Variants in CFI observed in about 807,000 individuals in gnomAD.
CFI encodes the protein C3B/C4B inactivator.
Under a neutral mutation model 78.8 loss-of-function variants are expected in CFI, and 66 were observed. The ratio of observed to expected loss-of-function variants is 0.84; its 90% CI spans 0.69 to 1.03. The LOEUF is 1.03. CFI is among the 50% of genes least tolerant of loss of function. The probability of loss-of-function intolerance (pLI) is 0.00; values close to 1 mark genes in which losing one functional copy is unlikely to be tolerated. For synonymous variants in CFI, 250 were observed against 232.6 expected, an observed-to-expected ratio of 1.07 and a Z score of -0.68; for missense variants, 706 against 704.5, an observed-to-expected ratio of 1.00 and a Z score of -0.02.
Position 109,752,458 on chromosome 4 carries a change from G to A in CFI, c.940+10C>T, listed in dbSNP as rs779430793. 2.2e-5 allele frequency: 35 copies of A among 1,612,748 alleles called. No individual in the cohort carries two copies. In the Middle Eastern group the frequency reaches 4.9e-4, roughly 23 times the overall value. ...TGAGCCACCAATAAAAAAGTATAAC[G>A]TTAGCTTACCTGCATCCATGTCAGC... On this transcript the variant is annotated intron_variant, in intron 8 of 12. Coordinates refer to ENST00000394634, the MANE Select transcript of CFI (RefSeq NM_000204.5).
chr4:109,782,022 A>G (rs1048660883), intron 1 of CFI, among the ~76,000 whole-genome samples: 1 of 152,140 alleles, frequency 6.6e-6, no homozygotes, highest in South Asian at 2.1e-4. Flanking sequence ...ATGTAATAAA[A>G]GCTATCTATG....
intron 6 of CFI, among the ~76,000 whole-genome samples, chr4:109,759,472 T>C (rs1198493414): frequency 6.6e-6 from 1 of 152,210 alleles, no homozygotes; most frequent in Non-Finnish European, 1.5e-5. Context: ...AGTGAATTAC[T>C]ATTATAGTGA....
intron 1 of CFI, among the ~76,000 whole-genome samples, chr4:109,797,916 A>C (rs563025898): frequency 3.3e-5 from 5 of 152,340 alleles, no homozygotes; most frequent in African/African-American, 1.2e-4. Context: ...AGCTGAGGAT[A>C]TGCAGAAAGG....
intron 6 of CFI, among the ~76,000 whole-genome samples, chr4:109,759,113 ATTCTTGCC>A (rs1726690940): frequency 6.6e-6 from 1 of 152,116 alleles, no homozygotes; most frequent in Admixed American, 6.5e-5. Flanking sequence ...AATAAAAAGA[ATTCTTGCC>A]TAAAATATTA....
chr4:109,783,848 T>C (rs1280892915), intron 1 of CFI, among the ~76,000 whole-genome samples: 1 of 142,244 alleles, frequency 7.0e-6, no homozygotes, highest in East Asian at 2.1e-4. Context: ...GGAATACTAC[T>C]CAGCCATAAA....
At chr4:109,743,717 C>T (rs1368679425) in intron 11 of CFI, among the ~76,000 whole-genome samples, 1 of 152,106 alleles carries the variant, frequency 6.6e-6, no homozygotes, top group African/African-American at 2.4e-5. Flanking sequence ...ATGTTAAATG[C>T]TAGATCAGGC....
At position 109,740,912 on chromosome 4, in the gene CFI, A is replaced by G. The variant is rs760148430; in HGVS notation, c.1733T>C (p.Ile578Thr). 4.2e-5 allele frequency: 68 copies of G among 1,613,964 alleles called. No homozygotes were observed. The East Asian group carries it at 9.6e-4, about 23-fold the overall frequency. The change falls in exon 13 of 13, where the codon ATT becomes ACT. Residue 578 changes from isoleucine (I) to threonine (T), a missense_variant. Ile to Thr is a moderately conservative substitution (Grantham distance 89). Transcript: ENST00000394634. The part of the protein sequence containing the change: ...WISYHVGRPF[I>T]SQYNV ...ACAATTTTATACATTGTACTGAGAA[A>G]TAAAAGGCCTTCCTACATGGTAGCT...
At chr4:109,779,747 C>T (rs900665277) in intron 1 of CFI, among the ~76,000 whole-genome samples, 1 of 152,116 alleles carries the variant, frequency 6.6e-6, no homozygotes, top group Non-Finnish European at 1.5e-5. Context: ...TACAAGTCTA[C>T]AGTAACCAAA....
chr4:109,772,777 C>T (rs1488352051), intron 1 of CFI, among the ~76,000 whole-genome samples: 1 of 151,870 alleles, frequency 6.6e-6, no homozygotes, highest in Admixed American at 6.6e-5. Flanking sequence ...AGAGATGGGG[C>T]CTCACTATGT....
downstream of CFI, among the ~76,000 whole-genome samples, chr4:109,739,177 A>C (rs994661004): frequency 3.3e-5 from 5 of 152,210 alleles, no homozygotes; most frequent in Admixed American, 2.0e-4. Flanking sequence ...TATATTATTA[A>C]ATCAGTAGGG....
At chr4:109,770,468 A>G (rs940177739) in intron 1 of CFI, among the ~76,000 whole-genome samples, 1 of 151,946 alleles carries the variant, frequency 6.6e-6, no homozygotes, top group Non-Finnish European at 1.5e-5. Context: ...AGGTAGGAGA[A>G]TCACTTGAAC....
chr4:109,736,158 G>A (rs148768284), downstream of CFI, among the ~76,000 whole-genome samples: 277 of 151,184 alleles, frequency 1.8e-3, 1 homozygote, highest in African/African-American at 6.3e-3. Context: ...CATACTATAA[G>A]AGAAAGGAAA....
the CFI span, among the ~76,000 whole-genome samples, chr4:109,733,212 A>G: frequency 3.9e-5 from 6 of 152,192 alleles, no homozygotes; most frequent in Non-Finnish European, 7.4e-5. Flanking sequence ...ACCTCAAGTC[A>G]TTCCCCTGCC....
chr4:109,774,849 G>A (rs1729023369), intron 1 of CFI, among the ~76,000 whole-genome samples: 1 of 152,124 alleles, frequency 6.6e-6, no homozygotes, highest in East Asian at 1.9e-4. Flanking sequence ...TTTGCATATA[G>A]TTTGTTCTTA....
At chr4:109,756,047 G>T (rs1726091361) in intron 7 of CFI, among the ~76,000 whole-genome samples, 1 of 152,164 alleles carries the variant, frequency 6.6e-6, no homozygotes, top group Admixed American at 6.5e-5. Flanking sequence ...AATACTATGT[G>T]AGTAAAAAAT....
intron 11 of CFI, among the ~76,000 whole-genome samples, chr4:109,744,996 T>C (rs1015476438): frequency 2.0e-5 from 3 of 152,194 alleles, no homozygotes; most frequent in African/African-American, 7.2e-5. Context: ...TATTCAGACA[T>C]ACCACAAATC....
At chr4:109,797,652 C>T (rs971219979) in intron 1 of CFI, among the ~76,000 whole-genome samples, 4 of 152,272 alleles carry the variant, frequency 2.6e-5, no homozygotes, top group Non-Finnish European at 4.4e-5. Context: ...TATTTGCAAA[C>T]TATACATCTG....
chr4:109,770,707 T>A (rs1194398056), intron 1 of CFI, among the ~76,000 whole-genome samples: 1 of 151,752 alleles, frequency 6.6e-6, no homozygotes, highest in Non-Finnish European at 1.5e-5. Flanking sequence ...GGAATTTTTT[T>A]AAAGGGCATA....
At chr4:109,767,079 T>C (rs908980525) in intron 1 of CFI, among the ~76,000 whole-genome samples, 22 of 152,160 alleles carry the variant, frequency 1.4e-4, no homozygotes, top group African/African-American at 4.8e-4. Flanking sequence ...GCTAGACATA[T>C]GGAGAAAGCT....
Sources: allele counts gnomAD v4.1 joint callset (sites outside exome capture counted in the v4.1 genomes callset), GRCh38; gene constraint gnomAD v4.1.1; transcripts MANE v1.5; gene names NCBI Gene and HGNC (gene_info 2026-07-23, HGNC 2026-07-21).